NALCN: variants seen among roughly 807,000 people sequenced by gnomAD.
NALCN encodes sodium leak channel NALCN.
NALCN carries 111 observed loss-of-function variants against 225.3 expected under a neutral mutation model. That is an observed-to-expected ratio of 0.49 (90% CI 0.42 to 0.58). The LOEUF (loss-of-function observed/expected upper bound fraction) is 0.58, where lower values mean the gene tolerates loss of function less well. Ranked by LOEUF, NALCN falls within the 20% of genes least tolerant of loss-of-function variation. The probability of loss-of-function intolerance (pLI) is 0.00; values close to 1 mark genes in which losing one functional copy is unlikely to be tolerated. For synonymous variants in NALCN, 764 were observed against 769.0 expected (o/e 0.99, Z 0.11); for missense variants, 1,378 against 2,202.4 (o/e 0.63, Z 7.49).
chr13:101,203,830 T>C (rs1426331705), intron 13 of NALCN, among the ~76,000 whole-genome samples: 1 of 152,182 alleles, frequency 6.6e-6, no homozygotes, highest in East Asian at 1.9e-4. Context: ...ATCTTACCTA[T>C]AAAAGTTAAA....
chr13:101,108,879 G>C (rs1387383310), intron 20 of NALCN, among the ~76,000 whole-genome samples: 1 of 152,162 alleles, frequency 6.6e-6, no homozygotes, highest in African/African-American at 2.4e-5. Flanking sequence ...TCTCCCCTTT[G>C]TGGGAGAAAA....
chr13:101,230,154 T>C (rs1279554946), intron 12 of NALCN, among the ~76,000 whole-genome samples: 1 of 152,200 alleles, frequency 6.6e-6, no homozygotes, highest in Non-Finnish European at 1.5e-5. Context: ...CCAGGATATC[T>C]CATTATGCAC....
Position 101,104,120 on chromosome 13 carries a change from G to T in NALCN, c.2889+175C>A, listed in dbSNP as rs2034973503. The stretch of plus-strand genomic sequence containing the variant: ...AGATATTTATGATGCTCTTAATTTA[G>T]ATTTTACATGCATGGCCCTTATTTG... On this transcript the variant is annotated intron_variant, in intron 25 of 43. Transcript: ENST00000251127. This position sits in a 1 kb window ranked among gnomAD's most constrained non-coding sequence, Gnocchi z 4.2. Among the ~76,000 whole-genome samples, 1 of 152,026 alleles carries T rather than the reference G, an allele frequency of 6.6e-6. No individual in the cohort carries two copies. Among genetic ancestry groups the T allele is most frequent in the South Asian group, 2.1e-4 (1 of 4,808 alleles).
chr13:101,258,259 G>A lies in NALCN; in HGVS notation c.1266+184C>T, dbSNP rs576216701. Among the ~76,000 whole-genome samples the A allele has an allele frequency of 5.9e-5, 9 of 152,230 alleles. No individual in the cohort carries two copies. In the South Asian group the frequency reaches 6.2e-4, roughly 11 times the overall value. On this transcript the variant is annotated intron_variant, in intron 11 of 43. Coordinates refer to ENST00000251127, the MANE Select transcript of NALCN (RefSeq NM_052867.4). ...TGTGAGGAAGATGACTCAGGCCCGCGGTGACAGGAAATGAATCAGGCCACA... is the reference window on the plus strand; with the variant it reads ...TGTGAGGAAGATGACTCAGGCCCGCAGTGACAGGAAATGAATCAGGCCACA...
chr13:101,376,461 G>A (rs1333697968), intron 6 of NALCN, among the ~76,000 whole-genome samples: 1 of 151,978 alleles, frequency 6.6e-6, no homozygotes, highest in Non-Finnish European at 1.5e-5. Flanking sequence ...AGGTTGCAGT[G>A]AACCGAGATC....
intron 7 of NALCN, among the ~76,000 whole-genome samples, chr13:101,299,639 A>G (rs1051144974): frequency 1.3e-5 from 2 of 152,352 alleles, no homozygotes; most frequent in East Asian, 3.9e-4. Context: ...ATGAAACCTA[A>G]GCAGCAGCCA....
At chr13:101,286,911 GACAA>G (rs2043360600) in intron 9 of NALCN, among the ~76,000 whole-genome samples, 1 of 149,396 alleles carries the variant, frequency 6.7e-6, no homozygotes, top group South Asian at 2.1e-4. Flanking sequence ...GCATCCCACA[GACAA>G]ACATAGGATC....
At chr13:101,386,560 C>A (rs990620030) in intron 3 of NALCN, among the ~76,000 whole-genome samples, 2 of 151,868 alleles carry the variant, frequency 1.3e-5, no homozygotes, top group African/African-American at 2.4e-5. Flanking sequence ...TCTTAAATAT[C>A]TTAAACATTT....
chr13:101,253,693 C>G (rs1405388167), intron 11 of NALCN, among the ~76,000 whole-genome samples: 15 of 152,038 alleles, frequency 9.9e-5, no homozygotes, highest in Admixed American at 9.8e-4. Context: ...AATTATTTGA[C>G]ATTGCTCTCT....
chr13:101,326,748 G>T (rs538323684), intron 7 of NALCN, among the ~76,000 whole-genome samples: 1 of 152,182 alleles, frequency 6.6e-6, no homozygotes. Context: ...TTATTGGCCC[G>T]TGGTTCTGCA....
rs1456160217 is a variant in NALCN at position 101,104,048 on chromosome 13, C to T, written c.2889+247G>A. Among the ~76,000 whole-genome samples, 1 of 151,820 alleles carries T rather than the reference C, an allele frequency of 6.6e-6. No homozygotes were observed. Among genetic ancestry groups the T allele is most frequent in the Non-Finnish European group, 1.5e-5 (1 of 68,002 alleles). Reference sequence around the variant, plus strand: ...AGACCTTATTAATGTATGTCTCATTCATACATAAAATTGTGATTAGTGTAT... The same window carrying T: ...AGACCTTATTAATGTATGTCTCATTTATACATAAAATTGTGATTAGTGTAT... On this transcript the variant is annotated intron_variant, in intron 25 of 43. Coordinates refer to ENST00000251127, the MANE Select transcript of NALCN (RefSeq NM_052867.4). The surrounding 1 kb of genome is among the most constrained non-coding windows in gnomAD (Gnocchi z 4.2).
chr13:101,258,467 C>G lies in NALCN; in HGVS notation c.1242G>C (p.Gln414His). The G allele has an allele frequency of 6.2e-7, 1 of 1,614,196 alleles. No homozygotes were observed. The highest frequency in any genetic ancestry group is 8.5e-7 in the Non-Finnish European group (1 of 1,180,026). The change falls in exon 11 of 44, where the codon CAG becomes CAC. Residue 414 changes from glutamine to histidine, a missense_variant. This residue lies in a region of NALCN where 144 missense variants were observed against 187.7 expected (regional missense o/e 0.77). Transcript: ENST00000251127. ...CCTCCGCCAGGTAGAACTCGTCGTACTGCCTCCTGAAGTTTTCTCCTTTGT... is the reference window on the plus strand; with the variant it reads ...CCTCCGCCAGGTAGAACTCGTCGTAGTGCCTCCTGAAGTTTTCTCCTTTGT... ...NYYKGENFRR[Q>H]YDEFYLAEVA...
At chr13:101,410,877 T>A (rs1594798362) in intron 1 of NALCN, among the ~76,000 whole-genome samples, 1 of 152,344 alleles carries the variant, frequency 6.6e-6, no homozygotes, top group South Asian at 2.1e-4. Flanking sequence ...GGACTCCCTT[T>A]CATTCTCTTC....
intron 22 of NALCN, among the ~76,000 whole-genome samples, chr13:101,105,634 T>A (rs1594213629): frequency 1.3e-5 from 2 of 151,848 alleles, no homozygotes; most frequent in Non-Finnish European, 2.9e-5. Flanking sequence ...TAATTCAAGA[T>A]AAAAAAAACG....
chr13:101,268,588 T>C (rs187225425), intron 10 of NALCN, among the ~76,000 whole-genome samples: 10 of 152,300 alleles, frequency 6.6e-5, no homozygotes, highest in Admixed American at 6.5e-4. Flanking sequence ...TTATCAATCA[T>C]AATGCCATGG....
chr13:101,258,418 A>T (rs1241854012), intron 11 of NALCN, 25 bp downstream of exon 11: 1 of 1,613,602 alleles, frequency 6.2e-7, no homozygotes, highest in Non-Finnish European at 8.5e-7. Flanking sequence ...TTGCCCAGCG[A>T]TCTGCACGGT....
At chr13:101,261,220 A>G (rs184009484) in intron 10 of NALCN, among the ~76,000 whole-genome samples, 1 of 152,220 alleles carries the variant, frequency 6.6e-6, no homozygotes, top group African/African-American at 2.4e-5. Flanking sequence ...TCGTTGGTCT[A>G]TGTGTCTGTT....
intron 10 of NALCN, among the ~76,000 whole-genome samples, chr13:101,260,351 T>C (rs1488632003): frequency 6.6e-6 from 1 of 152,250 alleles, no homozygotes; most frequent in East Asian, 1.9e-4. Context: ...AGATTTCTCT[T>C]AGATATACTT....
chr13:101,275,592 G>A lies in NALCN; in HGVS notation c.1134+8341C>T, dbSNP rs137858130. Among the ~76,000 whole-genome samples the A allele has an allele frequency of 1.8e-3, 267 of 152,196 alleles. 1 individual carries two copies. The highest frequency in any genetic ancestry group is 6.1e-3 in the African/African-American group (255 of 41,512). On this transcript the variant is annotated intron_variant, in intron 10 of 43. Coordinates refer to ENST00000251127, the MANE Select transcript of NALCN (RefSeq NM_052867.4). ...CTTATCTCTAACAGACCACAATAGCGTGTAGTCTCAAAACAAGATGTTGTG... is the reference window on the plus strand; with the variant it reads ...CTTATCTCTAACAGACCACAATAGCATGTAGTCTCAAAACAAGATGTTGTG...
Sources: allele counts gnomAD v4.1 joint callset (sites outside exome capture counted in the v4.1 genomes callset), GRCh38; gene constraint gnomAD v4.1.1; regional missense constraint gnomAD v4.1.1; non-coding constraint Gnocchi (gnomAD v3.1); transcripts MANE v1.5; gene names NCBI Gene and HGNC (gene_info 2026-07-23, HGNC 2026-07-21).